Variants in ZFP28 observed in about 807,000 individuals in gnomAD.
ZFP28 encodes the protein ZFP28 zinc finger protein.
In ZFP28, 31 loss-of-function variants were observed where a neutral mutation model predicts 39.5. The observed-to-expected ratio is 0.79, with a 90% confidence interval of 0.59 to 1.06. The LOEUF (loss-of-function observed/expected upper bound fraction) is 1.06. ZFP28 is among the 50% of genes least tolerant of loss of function. The pLI is 0.00. For missense variants in ZFP28, 925 were observed against 1,048.4 expected (o/e 0.88, Z 1.63); for synonymous variants, 400 against 378.6 (o/e 1.06, Z -0.66).
intron 2 of ZFP28, among the ~76,000 whole-genome samples, chr19:56,543,783 C>A (rs1230445028): frequency 6.6e-6 from 1 of 152,174 alleles, no homozygotes; most frequent in African/African-American, 2.4e-5. Context: ...ATCCAGACAT[C>A]AGTTAGGGAA....
At position 56,554,201 on chromosome 19, in the gene ZFP28, C is replaced by A; in HGVS notation, c.1416C>A (p.Gly472=). 2 of 1,614,138 alleles carry A rather than the reference C, an allele frequency of 1.2e-6. No individual in the cohort carries two copies. The highest frequency in any genetic ancestry group is 1.7e-6 in the Non-Finnish European group (2 of 1,180,024). Residue 472 remains glycine, a synonymous_variant, in exon 8 of 8, where the codon GGC becomes GGA. Transcript: ENST00000301318. The surrounding 1 kb of genome is among the most constrained non-coding windows in gnomAD (Gnocchi z 6.7). ...SFARHQRCHT[G]KKPYECIECG... ...CCCGACACCAGAGATGTCACACTGGCAAGAAGCCCTATGAGTGCATTGAGT... is the reference window on the plus strand; with the variant it reads ...CCCGACACCAGAGATGTCACACTGGAAAGAAGCCCTATGAGTGCATTGAGT...
Position 56,539,054 on chromosome 19 carries a change from G to A in ZFP28, c.36G>A (p.Pro12=), listed in dbSNP as rs1294510012. 6 of 1,487,184 alleles carry A rather than the reference G, an allele frequency of 4.0e-6. No individual in the cohort carries two copies. The highest frequency in any genetic ancestry group is 2.5e-5 in the South Asian group (2 of 80,940). The allele number at this position is 1,487,184 out of a possible 1,614,324, so 92.1% of individuals were successfully genotyped here. Residue 12 remains proline (P), a synonymous_variant, in exon 1 of 8, where the codon CCG becomes CCA. Transcript: ENST00000301318. ...CGGCGAGCGCGAGTGTCCGCGAGCCGACGCCGCTCCCGGGTAGAGGCGCCC... is the reference window on the plus strand; with the variant it reads ...CGGCGAGCGCGAGTGTCCGCGAGCCAACGCCGCTCCCGGGTAGAGGCGCCC... ...RGAASASVRE[P]TPLPGRGAPR...
At chr19:56,552,105 T>C (rs1461840860) in intron 7 of ZFP28, 1 of 591,312 alleles carries the variant, frequency 1.7e-6, no homozygotes, top group Non-Finnish European at 2.1e-6. Flanking sequence ...ATATATATAA[T>C]TTATTTAAAT....
intron 7 of ZFP28, chr19:56,552,609 G>A (rs1280950507): frequency 1.3e-5 from 2 of 152,012 alleles, no homozygotes; most frequent in Admixed American, 6.6e-5. Context: ...CCCCAATTTT[G>A]TGTGGTCTAG....
Position 56,547,420 on chromosome 19 carries a change from C to T in ZFP28, c.301-88C>T. 1 of 1,589,906 alleles carries T rather than the reference C, an allele frequency of 6.3e-7. No individual in the cohort carries two copies. Among genetic ancestry groups the T allele is most frequent in the Non-Finnish European group, 8.6e-7 (1 of 1,164,040 alleles). ...TAGGAGTTTAATGTAGGAGTTTTGT[C>T]AGGGGACACATTTCTTTCTATAACA... On this transcript the variant is annotated intron_variant, in intron 2 of 7. Transcript: ENST00000301318. This position sits in a 1 kb window ranked among gnomAD's most constrained non-coding sequence, Gnocchi z 4.6.
intron 6 of ZFP28, 67 bp from the exon 7 acceptor site, chr19:56,550,443 G>C: frequency 7.4e-7 from 1 of 1,358,212 alleles, no homozygotes; most frequent in Non-Finnish European, 1.0e-6. Flanking sequence ...CTATCAACAA[G>C]GAAGTGGTTC....
In ZFP28 at chr19:56,555,242, A is replaced by C. The variant is rs772379500; in HGVS notation, c.2457A>C (p.Arg819Ser). The change falls in exon 8 of 8, where the codon AGA (arginine) becomes AGC (serine). Residue 819 changes from arginine (R) to serine (S), a missense_variant. By Grantham distance (110) the Arg-to-Ser change is moderately radical. Coordinates refer to ENST00000301318, the MANE Select transcript of ZFP28 (RefSeq NM_020828.2). ...GERSYNYKKS[R>S]KVFRQTAHLA... ...GATCTTATAACTATAAGAAAAGCAG[A>C]AAAGTCTTCAGGCAAACTGCTCACT... 3 of 1,614,080 alleles carry C rather than the reference A, an allele frequency of 1.9e-6. No individual in the cohort carries two copies. The Admixed American group carries it at 5.0e-5, about 27-fold the overall frequency.
chr19:56,550,847 C>T (rs2044294822), intron 7 of ZFP28: 1 of 1,456,214 alleles, frequency 6.9e-7, no homozygotes, highest in Non-Finnish European at 9.0e-7. Context: ...GTGTATCATC[C>T]ACTTGCTTCC....
At chr19:56,538,395 T>C (rs1010318285), upstream of ZFP28, 1 of 153,066 alleles carries the variant, frequency 6.5e-6, no homozygotes, top group African/African-American at 2.4e-5. Context: ...GGCCCTGCGG[T>C]CCCACCCCTC....
chr19:56,547,263 T>C lies in ZFP28; in HGVS notation c.301-245T>C, dbSNP rs2044250369. 4.0e-6 allele frequency: 2 copies of C among 501,594 alleles called. No homozygotes were observed. The highest frequency in any genetic ancestry group is 4.0e-5 in the African/African-American group (2 of 50,464). The allele number at this position is 501,594 out of a possible 1,614,324, so 31.1% of individuals were successfully genotyped here. ...TTTTCCCTGTGCCTGCACACCGTGG[T>C]ATCTCTTCCTGTTTTAATAAGGACA... On this transcript the variant is annotated intron_variant, in intron 2 of 7. Coordinates refer to ENST00000301318, the MANE Select transcript of ZFP28 (RefSeq NM_020828.2). This position sits in a 1 kb window ranked among gnomAD's most constrained non-coding sequence, Gnocchi z 4.6.
At position 56,547,513 on chromosome 19, in the gene ZFP28, G is replaced by C; in HGVS notation, c.306G>C (p.Leu102Phe). Residue 102 changes from leucine to phenylalanine, a missense_variant, in exon 3 of 8, where the codon TTG becomes TTC. This residue lies in a region of ZFP28 where 556 missense variants were observed against 542.9 expected (regional missense o/e 1.02). Coordinates refer to ENST00000301318, the MANE Select transcript of ZFP28 (RefSeq NM_020828.2). This position sits in a 1 kb window ranked among gnomAD's most constrained non-coding sequence, Gnocchi z 4.6. Reference sequence around the variant, plus strand: ...ACATGGTTATATCATTTCAGGGCTTGGTGACATTTGGGGATGTGGCTGTAG... The same window carrying C: ...ACATGGTTATATCATTTCAGGGCTTCGTGACATTTGGGGATGTGGCTGTAG... ...GIEPKAMSQGLVTFGDVAVDF... is the reference protein window; with the variant it reads ...GIEPKAMSQGFVTFGDVAVDF... The C allele has an allele frequency of 6.2e-7, 1 of 1,614,186 alleles. No homozygotes were observed. Among genetic ancestry groups the C allele is most frequent in the Non-Finnish European group, 8.5e-7 (1 of 1,180,034 alleles).
In ZFP28 at chr19:56,555,109, A is replaced by T; in HGVS notation, c.2324A>T (p.His775Leu). 6.2e-7 allele frequency: 1 copy of T among 1,614,236 alleles called. No homozygotes were observed. Among genetic ancestry groups the T allele is most frequent in the Non-Finnish European group, 8.5e-7 (1 of 1,180,040 alleles). The part of the protein sequence containing the change: ...AFSHRQSLSV[H>L]QRIHSGKKPY... ...AGTCATCGTCAATCCCTTAGTGTAC[A>T]TCAGAGAATCCATTCTGGAAAGAAA... is the stretch of plus-strand genomic sequence containing the variant. The change falls in exon 8 of 8, where the codon CAT becomes CTT. Residue 775 changes from histidine (H) to leucine (L), a missense_variant. Transcript: ENST00000301318.
intron 2 of ZFP28, among the ~76,000 whole-genome samples, chr19:56,540,052 G>A (rs2044182176): frequency 6.6e-6 from 1 of 152,168 alleles, no homozygotes; most frequent in Non-Finnish European, 1.5e-5. Flanking sequence ...TTTGTTTGGT[G>A]ACCACTTTGT....
In ZFP28 at chr19:56,549,092, G is replaced by A. The variant is rs1350500075; in HGVS notation, c.658G>A (p.Asp220Asn). ...GTACTCTCTGTTAGGGGAACACTGGGATTATGATGCTCTGTTTGAGACACA... is the reference window on the plus strand; with the variant it reads ...GTACTCTCTGTTAGGGGAACACTGGAATTATGATGCTCTGTTTGAGACACA... ...LEYSLLGEHW[D>N]YDALFETQPG... The change falls in exon 5 of 8, where the codon GAT (aspartate) becomes AAT (asparagine). Residue 220 changes from aspartate to asparagine, a missense_variant. Transcript: ENST00000301318. 6.2e-7 allele frequency: 1 copy of A among 1,612,238 alleles called. No individual in the cohort carries two copies. Among genetic ancestry groups the A allele is most frequent in the East Asian group, 2.2e-5 (1 of 44,810 alleles).
chr19:56,539,278 G>A lies in ZFP28; in HGVS notation c.208+52G>A, dbSNP rs941667190. The A allele has an allele frequency of 8.5e-6, 13 of 1,524,478 alleles. No individual in the cohort carries two copies. The Middle Eastern group carries it at 8.6e-4, about 101-fold the overall frequency. 94.4% of individuals were successfully genotyped at this position (1,524,478 alleles called of 1,614,324 possible). A position where few individuals can be genotyped will look rare whatever the true frequency, so the allele number is the denominator to read the frequency against. On this transcript the variant is annotated intron_variant, in intron 1 of 7. Coordinates refer to ENST00000301318, the MANE Select transcript of ZFP28 (RefSeq NM_020828.2). ...AGCGGACAGGGACGAATTCATCTCGGGATGAGATCTGGGAGGGGGTTGGGC... is the reference window on the plus strand; with the variant it reads ...AGCGGACAGGGACGAATTCATCTCGAGATGAGATCTGGGAGGGGGTTGGGC...
In ZFP28 at chr19:56,553,786, G is replaced by C. The variant is rs2044325340; in HGVS notation, c.1001G>C (p.Ser334Thr). 1 of 1,614,106 alleles carries C rather than the reference G, an allele frequency of 6.2e-7. No homozygotes were observed. The highest frequency in any genetic ancestry group is 2.2e-5 in the East Asian group (1 of 44,864). ...RTSNTKLDCS[S>T]FRENWDSDYV... Reference sequence around the variant, plus strand: ...TCAAACACTAAACTTGATTGTTCCAGTTTCAGAGAAAATTGGGATTCTGAC... The same window carrying C: ...TCAAACACTAAACTTGATTGTTCCACTTTCAGAGAAAATTGGGATTCTGAC... The change falls in exon 8 of 8, where the codon AGT becomes ACT. Residue 334 changes from serine to threonine, a missense_variant. By Grantham distance (58) the Ser-to-Thr change is moderately conservative (BLOSUM62 1). Transcript: ENST00000301318.
At chr19:56,540,908 C>T (rs1267499382) in intron 2 of ZFP28, among the ~76,000 whole-genome samples, 1 of 107,872 alleles carries the variant, frequency 9.3e-6, no homozygotes, top group African/African-American at 4.7e-5. Context: ...CAGTTTTTGC[C>T]ACAGTTCTTA....
At chr19:56,539,764 C>A (rs763214959) in intron 2 of ZFP28, 48 bp downstream of exon 2, 6 of 1,555,318 alleles carry the variant, frequency 3.9e-6, no homozygotes, top group Non-Finnish European at 5.3e-6. Context: ...TCTTGCTTTT[C>A]GGGACTTAAT....
intron 7 of ZFP28, chr19:56,552,700 A>G (rs1052200099): frequency 6.6e-6 from 1 of 152,068 alleles, no homozygotes; most frequent in Non-Finnish European, 1.5e-5. Context: ...TACTTTGTTG[A>G]TTTTTTCATT....
Sources: allele counts gnomAD v4.1 joint callset (sites outside exome capture counted in the v4.1 genomes callset), GRCh38; gene constraint gnomAD v4.1.1; regional missense constraint gnomAD v4.1.1; non-coding constraint Gnocchi (gnomAD v3.1); transcripts MANE v1.5; gene names NCBI Gene and HGNC (gene_info 2026-07-23, HGNC 2026-07-21).